DOP1B: variants seen among roughly 807,000 people sequenced by gnomAD.
The protein encoded by DOP1B is DOP1 leucine zipper like protein B, also known as protein DOP1B.
A neutral mutation model predicts 233.5 loss-of-function variants in DOP1B; 174 were observed. The observed-to-expected ratio is 0.75, with a 90% CI of 0.66 to 0.85. The LOEUF (loss-of-function observed/expected upper bound fraction) is 0.85. Ranked by LOEUF, DOP1B falls within the 40% of genes least tolerant of loss-of-function variation. The pLI is 0.00. For synonymous variants in DOP1B, 1,190 were observed against 1,185.6 expected, an observed-to-expected ratio of 1.00 and a Z score of -0.08; for missense variants, 2,652 against 2,846.6, an observed-to-expected ratio of 0.93 and a Z score of 1.56.
chr21:36,280,600 C>CG (rs1439180712), intron 31 of DOP1B, among the ~76,000 whole-genome samples: 1 of 152,228 alleles, frequency 6.6e-6, no homozygotes, highest in Non-Finnish European at 1.5e-5. Context: ...AAGCATCCAG[C>CG]TTCACATCTT....
chr21:36,263,509 C>T (rs888280089), intron 24 of DOP1B, 37 bp from the exon 25 acceptor site: 6 of 1,550,472 alleles, frequency 3.9e-6, no homozygotes, highest in South Asian at 3.4e-5. Flanking sequence ...TTGACTTGTT[C>T]GTGGTTGAGT....
intron 13 of DOP1B, among the ~76,000 whole-genome samples, chr21:36,228,813 TAA>T (rs138547541): frequency 0.044 from 4,746 of 108,902 alleles, 229 homozygotes; most frequent in East Asian, 0.25. Flanking sequence ...TAAAATAAAA[TAA>T]AATAAAATAA....
At chr21:36,213,973 A>T (rs890919621) in intron 7 of DOP1B, 108 bp from the exon 8 acceptor site, 245 of 980,434 alleles carry the variant, frequency 2.5e-4, no homozygotes, top group Non-Finnish European at 3.2e-4. Context: ...TTGGTTTTCC[A>T]TCAGAAGAAT....
At position 36,233,007 on chromosome 21, in the gene DOP1B, A is replaced by G. The variant is rs575886472; in HGVS notation, c.2554A>G (p.Met852Val). The G allele has an allele frequency of 2.5e-6, 4 of 1,613,992 alleles. No homozygotes were observed. The highest frequency in any genetic ancestry group is 3.4e-6 in the Non-Finnish European group (4 of 1,180,014). ...GHNPFFGKLQ[M>V]VTVPPIAPGI... Reference sequence around the variant, plus strand: ...CAACCCTTTTTTTGGCAAGCTGCAGATGGTGACGGTTCCTCCCATTGCTCC... The same window carrying G: ...CAACCCTTTTTTTGGCAAGCTGCAGGTGGTGACGGTTCCTCCCATTGCTCC... The change falls in exon 15 of 37, where the codon ATG becomes GTG. Residue 852 changes from methionine (M) to valine (V), a missense_variant. By Grantham distance (21) the Met-to-Val change is conservative. Transcript: ENST00000691173.
Position 36,225,632 on chromosome 21 carries a change from G to A in DOP1B, c.1438G>A (p.Ala480Thr), listed in dbSNP as rs750339936. 92 of 1,614,172 alleles carry A rather than the reference G, an allele frequency of 5.7e-5. No individual in the cohort carries two copies. Among genetic ancestry groups the A allele is most frequent in the Non-Finnish European group, 7.4e-5 (87 of 1,180,038 alleles). The change falls in exon 12 of 37, where the codon GCC becomes ACC. Residue 480 changes from alanine (A) to threonine (T), a missense_variant. Physicochemically the swap from Ala to Thr is moderately conservative, Grantham distance 58. Transcript: ENST00000691173. ...SPPPTVSELCALLVFLLDVIP... is the reference protein window; with the variant it reads ...SPPPTVSELCTLLVFLLDVIP... Reference sequence around the variant, plus strand: ...TCCCCCCACGGTCTCGGAGCTCTGCGCCCTCCTGGTCTTCCTGCTGGATGT... The same window carrying A: ...TCCCCCCACGGTCTCGGAGCTCTGCACCCTCCTGGTCTTCCTGCTGGATGT...
At position 36,246,677 on chromosome 21, in the gene DOP1B, G is replaced by T; in HGVS notation, c.4697G>T (p.Ser1566Ile). 1 of 1,606,524 alleles carries T rather than the reference G, an allele frequency of 6.2e-7. No individual in the cohort carries two copies. The highest frequency in any genetic ancestry group is 1.1e-5 in the South Asian group (1 of 90,860). The change falls in exon 19 of 37, where the codon AGC becomes ATC. Residue 1566 changes from serine to isoleucine, a missense_variant and splice_region_variant. Around this residue, in one of 3 missense-constraint regions of DOP1B, gnomAD observed 2,617 missense variants for 2,794.3 expected, o/e 0.94. Transcript: ENST00000691173. This position sits in a 1 kb window ranked among gnomAD's most constrained non-coding sequence, Gnocchi z 5.1. ...AGCGAATCTGTGAAGCTCTCTGTCA[G>T]GTGCGTTACGCTCCTTGTGACATCT... ...YESESVKLSV[S>I]TTSKRENISP... is the part of the protein sequence containing the mutation.
At chr21:36,284,265 CTTTTTTT>C (rs71326667) in intron 32 of DOP1B, among the ~76,000 whole-genome samples, 6 of 75,876 alleles carry the variant, frequency 7.9e-5, no homozygotes, top group East Asian at 6.1e-4. Flanking sequence ...TTCCTTCTTT[CTTTTTTT>C]TTTTTTTTTT....
At chr21:36,232,723 G>A in intron 14 of DOP1B, 81 bp from the exon 15 acceptor site, 2 of 1,572,910 alleles carry the variant, frequency 1.3e-6, no homozygotes, top group Non-Finnish European at 1.7e-6. Flanking sequence ...CCAGATCTAG[G>A]GTGCTGTAGA....
At chr21:36,179,516 G>A (rs963900485) in intron 2 of DOP1B, among the ~76,000 whole-genome samples, 3 of 152,192 alleles carry the variant, frequency 2.0e-5, no homozygotes, top group Non-Finnish European at 4.4e-5. Flanking sequence ...AAAGATCACT[G>A]TAAGAATCTT....
intron 14 of DOP1B, among the ~76,000 whole-genome samples, chr21:36,232,227 C>T (rs911033711): frequency 1.6e-4 from 24 of 152,284 alleles, no homozygotes; most frequent in African/African-American, 5.8e-4. Flanking sequence ...ATATGATCTG[C>T]CCGCCTTGGC....
intron 4 of DOP1B, among the ~76,000 whole-genome samples, chr21:36,201,052 A>G (rs990670632): frequency 3.3e-5 from 5 of 152,094 alleles, no homozygotes; most frequent in Non-Finnish European, 7.4e-5. Flanking sequence ...AATAAGGGAG[A>G]CCATAGTGCA....
chr21:36,209,899 C>A (rs1347632966), intron 5 of DOP1B, among the ~76,000 whole-genome samples: 1 of 152,150 alleles, frequency 6.6e-6, no homozygotes, highest in Non-Finnish European at 1.5e-5. Context: ...GTGTGAATTA[C>A]CCTCTGGTTC....
At chr21:36,195,200 G>T (rs568095991) in intron 2 of DOP1B, among the ~76,000 whole-genome samples, 12 of 152,246 alleles carry the variant, frequency 7.9e-5, no homozygotes, top group African/African-American at 2.6e-4. Flanking sequence ...AATTAGCCAG[G>T]TGTGGTGGCA....
chr21:36,250,436 A>G (rs999039601), intron 21 of DOP1B, among the ~76,000 whole-genome samples: 1 of 152,126 alleles, frequency 6.6e-6, no homozygotes, highest in Non-Finnish European at 1.5e-5. Flanking sequence ...AAAGAAACAC[A>G]GGGTTTCCTG....
chr21:36,223,507 C>G (rs562565835), intron 11 of DOP1B, among the ~76,000 whole-genome samples, 157 bp downstream of exon 11: 1 of 152,170 alleles, frequency 6.6e-6, no homozygotes, highest in South Asian at 2.1e-4. Flanking sequence ...GGAAAGAATT[C>G]ACTTAAGATT....
chr21:36,225,744 A>C (rs2066675379), intron 12 of DOP1B, 77 bp downstream of exon 12: 1 of 1,384,242 alleles, frequency 7.2e-7, no homozygotes, highest in Non-Finnish European at 1.0e-6. Context: ...TGCTTTATCA[A>C]CCTCACATTA....
chr21:36,182,961 G>T (rs1347114516), intron 2 of DOP1B, among the ~76,000 whole-genome samples: 1 of 152,192 alleles, frequency 6.6e-6, no homozygotes, highest in Non-Finnish European at 1.5e-5. Flanking sequence ...CCCAGCCTTG[G>T]CATGCTGTGG....
At chr21:36,249,118 A>C (rs941699422) in intron 21 of DOP1B, among the ~76,000 whole-genome samples, 1 of 150,986 alleles carries the variant, frequency 6.6e-6, no homozygotes, top group Non-Finnish European at 1.5e-5. Flanking sequence ...AAAAAATAAA[A>C]ATAATTAAAA....
chr21:36,272,838 G>A (rs2067304222), intron 27 of DOP1B, among the ~76,000 whole-genome samples: 1 of 151,380 alleles, frequency 6.6e-6, no homozygotes, highest in East Asian at 2.0e-4. Context: ...TACAAAATTA[G>A]CTGGGTGTGG....
Sources: gnomAD v4.1 joint callset for allele counts (sites outside exome capture counted in the v4.1 genomes callset) on GRCh38, gnomAD v4.1.1 for gene constraint, gnomAD v4.1.1 regional missense constraint, Gnocchi (gnomAD v3.1) non-coding constraint, MANE v1.5 for transcripts, NCBI Gene and HGNC (gene_info 2026-07-23, HGNC 2026-07-21) for gene names.